SLC7A1: variants seen among roughly 807,000 people sequenced by gnomAD.
The protein encoded by SLC7A1 is high affinity cationic amino acid transporter 1.
In SLC7A1, 10 loss-of-function variants were observed where a neutral mutation model predicts 53.9. The ratio of observed to expected loss-of-function variants is 0.19; its 90% CI spans 0.11 to 0.31. The LOEUF is 0.31. Ranked by LOEUF, SLC7A1 falls within the 10% of genes least tolerant of loss-of-function variation. The pLI, the probability that SLC7A1 is intolerant of heterozygous loss-of-function variation, is 1.00. For missense variants in SLC7A1, 525 were observed against 827.2 expected (o/e 0.63, Z 4.48); for synonymous variants, 342 against 338.7 (o/e 1.01, Z -0.11).
At chr13:29,550,454 G>A (rs1366868605) in intron 2 of SLC7A1, among the ~76,000 whole-genome samples, 1 of 152,270 alleles carries the variant, frequency 6.6e-6, no homozygotes, top group East Asian at 1.9e-4. Context: ...GGTGACCTGT[G>A]CTGGGCTGGC....
Position 29,514,356 on chromosome 13 carries a change from T to C in SLC7A1, c.*124A>G. 1.5e-6 allele frequency: 1 copy of C among 664,748 alleles called. No homozygotes were observed. Among genetic ancestry groups the C allele is most frequent in the Non-Finnish European group, 2.6e-6 (1 of 379,756 alleles). 41.2% of individuals were successfully genotyped at this position (664,748 alleles called of 1,614,324 possible). On this transcript the variant is annotated 3_prime_UTR_variant, in exon 13 of 13. Transcript: ENST00000380752. Reference sequence around the variant, plus strand: ...GCTGCAGGTCAAGTAATTGCACCTTTGGCTGCAGTGAGGGTGTGGACGCAG... The same window carrying C: ...GCTGCAGGTCAAGTAATTGCACCTTCGGCTGCAGTGAGGGTGTGGACGCAG...
At chr13:29,543,296 G>C (rs1381346646) in intron 2 of SLC7A1, among the ~76,000 whole-genome samples, 1 of 152,156 alleles carries the variant, frequency 6.6e-6, no homozygotes, top group Non-Finnish European at 1.5e-5. Flanking sequence ...TCCATATATC[G>C]AGCTGGAGGC....
At chr13:29,557,554 G>C (rs923222616) in intron 1 of SLC7A1, among the ~76,000 whole-genome samples, 2 of 151,660 alleles carry the variant, frequency 1.3e-5, no homozygotes, top group African/African-American at 4.9e-5. Flanking sequence ...ACATAGAAAA[G>C]GTATAGCAAG....
intron 1 of SLC7A1, among the ~76,000 whole-genome samples, chr13:29,554,995 C>A (rs1440900673): frequency 1.3e-5 from 2 of 152,156 alleles, no homozygotes; most frequent in Non-Finnish European, 2.9e-5. Context: ...TTCCTCATGA[C>A]CATCGTGATA....
chr13:29,576,644 G>A (rs574987267), intron 1 of SLC7A1, among the ~76,000 whole-genome samples: 3 of 152,252 alleles, frequency 2.0e-5, no homozygotes, highest in East Asian at 1.9e-4. Flanking sequence ...GCCTTGTTCC[G>A]TGAGTGCCCT....
chr13:29,540,527 G>T (rs9551696), intron 2 of SLC7A1, among the ~76,000 whole-genome samples: 2 of 152,192 alleles, frequency 1.3e-5, no homozygotes, highest in African/African-American at 2.4e-5. Context: ...ACAAGTGACA[G>T]GGTGAATGGT....
intron 1 of SLC7A1, among the ~76,000 whole-genome samples, chr13:29,564,569 C>T (rs1870890330): frequency 6.6e-6 from 1 of 152,186 alleles, no homozygotes; most frequent in Non-Finnish European, 1.5e-5. Context: ...TCCCCTAGGG[C>T]AAGAGCCATA....
chr13:29,521,931 T>C (rs1450427679), intron 8 of SLC7A1, among the ~76,000 whole-genome samples: 2 of 152,174 alleles, frequency 1.3e-5, no homozygotes, highest in Non-Finnish European at 2.9e-5. Flanking sequence ...AATTCAGAAA[T>C]GGACGCCGAA....
intron 3 of SLC7A1, among the ~76,000 whole-genome samples, chr13:29,534,616 G>C (rs1869323378): frequency 6.6e-6 from 1 of 152,074 alleles, no homozygotes. Flanking sequence ...TGGTGAAGGG[G>C]GAGTGATGCC....
In SLC7A1 at chr13:29,510,609, CT is replaced by C. The variant is rs1031102839; in HGVS notation, c.*3870del. 1 of 152,324 alleles carries C rather than the reference CT, an allele frequency of 6.6e-6. No homozygotes were observed. The highest frequency in any genetic ancestry group is 2.4e-5 in the African/African-American group (1 of 41,480). 9.4% of individuals were successfully genotyped at this position (152,324 alleles called of 1,614,324 possible). On this transcript the variant is annotated 3_prime_UTR_variant, in exon 13 of 13. Transcript: ENST00000380752. The stretch of plus-strand genomic sequence containing the variant: ...ATATAAGCCTCACGCCCCCACCACC[CT>C]GCAATTTCCCCGTCCTCGGAACTGT...
In SLC7A1 at chr13:29,514,300, G is replaced by A; in HGVS notation, c.*180C>T. The A allele has an allele frequency of 1.7e-6, 1 of 596,534 alleles. No individual in the cohort carries two copies. The highest frequency in any genetic ancestry group is 2.8e-5 in the East Asian group (1 of 35,688). 37.0% of individuals were successfully genotyped at this position (596,534 alleles called of 1,614,324 possible). A position where few individuals can be genotyped will look rare whatever the true frequency, so the allele number is the denominator to read the frequency against. ...TGTCTGGAGGTGACCAGGGCCCGGA[G>A]AACCGGCTGCAGAGCCGAGGGTGGG... On this transcript the variant is annotated 3_prime_UTR_variant, in exon 13 of 13. Coordinates refer to ENST00000380752, the MANE Select transcript of SLC7A1 (RefSeq NM_003045.5).
intron 6 of SLC7A1, among the ~76,000 whole-genome samples, chr13:29,523,895 A>G (rs1868755924): frequency 6.6e-6 from 1 of 152,208 alleles, no homozygotes; most frequent in African/African-American, 2.4e-5. Flanking sequence ...CTATGATCCC[A>G]TTCTAACAGC....
At chr13:29,554,335 C>T (rs117187185) in intron 1 of SLC7A1, among the ~76,000 whole-genome samples, 3,451 of 152,228 alleles carry the variant, frequency 0.023, 68 homozygotes, top group Non-Finnish European at 0.032. Flanking sequence ...TTCGTACAAT[C>T]GAGAATTTAG....
intron 5 of SLC7A1, among the ~76,000 whole-genome samples, chr13:29,524,523 G>A (rs1370563554): frequency 2.6e-5 from 4 of 152,178 alleles, no homozygotes; most frequent in African/African-American, 7.2e-5. Context: ...GTAGGGAGAC[G>A]TGGGGACTAT....
chr13:29,579,361 C>T (rs1462962631), intron 1 of SLC7A1, among the ~76,000 whole-genome samples: 3 of 139,462 alleles, frequency 2.2e-5, no homozygotes. Flanking sequence ...CATCCACTAG[C>T]AATTTTTTTT....
At chr13:29,578,409 A>G (rs1212025014) in intron 1 of SLC7A1, among the ~76,000 whole-genome samples, 1 of 152,172 alleles carries the variant, frequency 6.6e-6, no homozygotes, top group Non-Finnish European at 1.5e-5. Flanking sequence ...TTATTTTAAT[A>G]CACACACATC....
intron 2 of SLC7A1, among the ~76,000 whole-genome samples, chr13:29,552,057 C>G (rs1456462990): frequency 6.6e-6 from 1 of 152,198 alleles, no homozygotes; most frequent in Non-Finnish European, 1.5e-5. Context: ...AGGTCACTGG[C>G]TATATCCCCC....
intron 1 of SLC7A1, among the ~76,000 whole-genome samples, chr13:29,567,480 G>A (rs1756440): frequency 6.6e-6 from 1 of 152,216 alleles, no homozygotes; most frequent in Admixed American, 6.5e-5. Context: ...CGGGAGGATA[G>A]GAAAAGACAT....
At chr13:29,594,984 G>A (rs960975593) in intron 1 of SLC7A1, among the ~76,000 whole-genome samples, 8 of 151,914 alleles carry the variant, frequency 5.3e-5, no homozygotes, top group Non-Finnish European at 1.2e-4. Flanking sequence ...CGCCATGTAA[G>A]GGAAGGTCTC....
Sources: allele counts gnomAD v4.1 joint callset (sites outside exome capture counted in the v4.1 genomes callset), GRCh38; gene constraint gnomAD v4.1.1; transcripts MANE v1.5; gene names NCBI Gene and HGNC (gene_info 2026-07-23, HGNC 2026-07-21).